RAB5C: variants seen among roughly 807,000 people sequenced by gnomAD.
The protein encoded by RAB5C is ras-related protein Rab-5C.
Under a neutral mutation model 25.2 loss-of-function variants are expected in RAB5C, and 4 were observed. The ratio of observed to expected loss-of-function variants is 0.16; its 90% CI spans 0.08 to 0.36. The LOEUF is 0.36. Among genes scored for constraint, RAB5C ranks in the 10% least tolerant of loss-of-function variants. The pLI, the probability that RAB5C is intolerant of heterozygous loss-of-function variation, is 1.00. For synonymous variants in RAB5C, 100 were observed against 106.4 expected (o/e 0.94, Z 0.37); for missense variants, 199 against 283.8 (o/e 0.70, Z 2.15).
In RAB5C at chr17:42,125,541, A is replaced by T. The variant is rs1568016826; in HGVS notation, c.*242T>A. 6.4e-6 allele frequency: 3 copies of T among 467,984 alleles called. No individual in the cohort carries two copies. Among genetic ancestry groups the T allele is most frequent in the Non-Finnish European group, 1.2e-5 (3 of 260,866 alleles). 29.0% of individuals were successfully genotyped at this position (467,984 alleles called of 1,614,324 possible). ...AGAAAGGGGAGGAAGTGGGAAGAGC[A>T]GAAGATCATATATATTAAAAAAGTG... On this transcript the variant is annotated 3_prime_UTR_variant, in exon 6 of 6. Coordinates refer to ENST00000346213, the MANE Select transcript of RAB5C (RefSeq NM_004583.4).
At chr17:42,154,280 C>A (rs988052680) in intron 1 of RAB5C, among the ~76,000 whole-genome samples, 6 of 152,128 alleles carry the variant, frequency 3.9e-5, no homozygotes, top group African/African-American at 1.4e-4. Context: ...GAGGACAGGG[C>A]TGGGAGACAG....
chr17:42,152,135 AG>A (rs1236296677), intron 1 of RAB5C, among the ~76,000 whole-genome samples: 7 of 152,020 alleles, frequency 4.6e-5, no homozygotes, highest in African/African-American at 1.7e-4. Context: ...AAAAAAAAAA[AG>A]TAATAATAAA....
chr17:42,149,747 C>A (rs866253774), intron 1 of RAB5C, among the ~76,000 whole-genome samples: 15 of 152,086 alleles, frequency 9.9e-5, no homozygotes, highest in South Asian at 2.1e-4. Flanking sequence ...GGGAATACAA[C>A]CCACATCAAT....
chr17:42,127,434 A>G (rs1339159007), intron 4 of RAB5C, among the ~76,000 whole-genome samples: 1 of 152,250 alleles, frequency 6.6e-6, no homozygotes, highest in African/African-American at 2.4e-5. Context: ...AGAAAAGAGA[A>G]GTAGAAGGCT....
At chr17:42,130,232 C>T (rs998060934) in intron 2 of RAB5C, 105 bp downstream of exon 2, 14 of 1,432,100 alleles carry the variant, frequency 9.8e-6, no homozygotes, top group South Asian at 4.4e-5. Flanking sequence ...CCACCACAGA[C>T]GCATTTAGTC....
Position 42,131,664 on chromosome 17 carries a change from G to A in RAB5C, c.-88-1074C>T, listed in dbSNP as rs1196891552. 3 of 1,504,864 alleles carry A rather than the reference G, an allele frequency of 2.0e-6. No homozygotes were observed. The East Asian group carries it at 7.4e-5, about 37-fold the overall frequency. 93.2% of individuals were successfully genotyped at this position (1,504,864 alleles called of 1,614,324 possible). A position where few individuals can be genotyped will look rare whatever the true frequency, so the allele number is the denominator to read the frequency against. On this transcript the variant is annotated intron_variant, in intron 1 of 5. Coordinates refer to ENST00000346213, the MANE Select transcript of RAB5C (RefSeq NM_004583.4). ...CGATGGAGAGAAAGAAGAGGCAGGA[G>A]GTGTGGGAGGGCAGAGACCAAGTCC...
chr17:42,151,452 AG>A lies in RAB5C; in HGVS notation c.-89+3440del, dbSNP rs2079671201. ...ACTCCGACTCAAAAAAAAAAAAAGA[AG>A]TAGAAGGTCTAAGAAGTACTTGCTT... On this transcript the variant is annotated intron_variant, in intron 1 of 5. Transcript: ENST00000346213. 5.9e-5 allele frequency among the ~76,000 whole-genome samples: 9 copies of A among 151,832 alleles called. No individual in the cohort carries two copies. In the South Asian group the frequency reaches 1.9e-3, roughly 31 times the overall value.
At position 42,128,483 on chromosome 17, in the gene RAB5C, A is replaced by T. The variant is rs573082442; in HGVS notation, c.319-100T>A. The T allele has an allele frequency of 1.2e-5, 18 of 1,486,982 alleles. No homozygotes were observed. In the Admixed American group the frequency reaches 4.0e-4, roughly 33 times the overall value. 92.1% of individuals were successfully genotyped at this position (1,486,982 alleles called of 1,614,324 possible). A position where few individuals can be genotyped will look rare whatever the true frequency, so the allele number is the denominator to read the frequency against. ...AGCTGGCACAGCCAAATTATCTAAG[A>T]CATTGCCACCTAAAGATTCTGATGC... On this transcript the variant is annotated intron_variant, in intron 3 of 5. Transcript: ENST00000346213.
intron 5 of RAB5C, chr17:42,126,545 T>C (rs1196739284): frequency 3.5e-6 from 1 of 282,012 alleles, no homozygotes. Flanking sequence ...GGCAGGAGAA[T>C]GGCGTGAACC....
intron 1 of RAB5C, among the ~76,000 whole-genome samples, chr17:42,151,769 T>A (rs2079673226): frequency 6.6e-6 from 1 of 152,182 alleles, no homozygotes; most frequent in African/African-American, 2.4e-5. Context: ...TGAAGAGTAC[T>A]GACTTGGGAC....
chr17:42,152,786 A>T (rs1386367670), intron 1 of RAB5C, among the ~76,000 whole-genome samples: 2 of 152,038 alleles, frequency 1.3e-5, no homozygotes, highest in Admixed American at 1.3e-4. Flanking sequence ...CTCCAAAAAA[A>T]AAAAAAAAGT....
chr17:42,131,600 T>C lies in RAB5C; in HGVS notation c.-88-1010A>G, dbSNP rs2054486868. The stretch of plus-strand genomic sequence containing the variant: ...CAGCTACCAACTTTCCCTTTTTCAA[T>C]AGAGACCTCAGTTCCATTCTCTACT... On this transcript the variant is annotated intron_variant, in intron 1 of 5. Coordinates refer to ENST00000346213, the MANE Select transcript of RAB5C (RefSeq NM_004583.4). The C allele has an allele frequency of 6.5e-6, 10 of 1,533,272 alleles. No individual in the cohort carries two copies. In the East Asian group the frequency reaches 2.2e-4, roughly 34 times the overall value. 95.0% of individuals were successfully genotyped at this position (1,533,272 alleles called of 1,614,324 possible). A position where few individuals can be genotyped will look rare whatever the true frequency, so the allele number is the denominator to read the frequency against.
intron 1 of RAB5C, among the ~76,000 whole-genome samples, chr17:42,145,100 G>A (rs1024365900): frequency 5.3e-5 from 8 of 151,994 alleles, no homozygotes; most frequent in Non-Finnish European, 7.4e-5. Context: ...GTGAACCCGG[G>A]AGGCGGAGCT....
At chr17:42,138,218 G>A (rs1314217739) in intron 1 of RAB5C, among the ~76,000 whole-genome samples, 1 of 152,160 alleles carries the variant, frequency 6.6e-6, no homozygotes, top group Non-Finnish European at 1.5e-5. Flanking sequence ...TTAGGGGTTG[G>A]GGGATGGAAT....
intron 1 of RAB5C, among the ~76,000 whole-genome samples, chr17:42,134,918 C>G (rs534643809): frequency 8.6e-5 from 13 of 151,706 alleles, no homozygotes; most frequent in Non-Finnish European, 1.8e-4. Flanking sequence ...TTCCCTGCTC[C>G]GGGGTTCCCT....
At chr17:42,139,214 G>A (rs1213791225) in intron 1 of RAB5C, among the ~76,000 whole-genome samples, 2 of 152,256 alleles carry the variant, frequency 1.3e-5, no homozygotes, top group East Asian at 3.8e-4. Flanking sequence ...GCTGTCCACA[G>A]AAGGGCCCCA....
At chr17:42,135,658 C>T (rs2054529367) in intron 1 of RAB5C, among the ~76,000 whole-genome samples, 1 of 152,168 alleles carries the variant, frequency 6.6e-6, no homozygotes, top group South Asian at 2.1e-4. Context: ...CTTCACTCAG[C>T]AACTGGAGCC....
chr17:42,126,100 G>A (rs2054420312), intron 5 of RAB5C, among the ~76,000 whole-genome samples: 1 of 152,192 alleles, frequency 6.6e-6, no homozygotes, highest in South Asian at 2.1e-4. Context: ...CAGAGCTAAT[G>A]AGTGGTAGAG....
chr17:42,149,038 T>C (rs1227108396), intron 1 of RAB5C, among the ~76,000 whole-genome samples: 1 of 152,222 alleles, frequency 6.6e-6, no homozygotes, highest in African/African-American at 2.4e-5. Context: ...GATGGGGCTA[T>C]TTAATTGGAA....
Sources: allele counts gnomAD v4.1 joint callset (sites outside exome capture counted in the v4.1 genomes callset), GRCh38; gene constraint gnomAD v4.1.1; transcripts MANE v1.5; gene names NCBI Gene and HGNC (gene_info 2026-07-23, HGNC 2026-07-21).